SNCAIP: variants seen among roughly 807,000 people sequenced by gnomAD.
The protein encoded by SNCAIP is synuclein alpha interacting protein.
Under a neutral mutation model 86.7 loss-of-function variants are expected in SNCAIP, and 43 were observed. The observed-to-expected ratio is 0.50, with a 90% CI of 0.39 to 0.64. The LOEUF (loss-of-function observed/expected upper bound fraction) is 0.64. Ranked by LOEUF, SNCAIP falls within the 30% of genes least tolerant of loss-of-function variation. The pLI is 0.00. For missense variants in SNCAIP, 981 were observed against 1,103.1 expected (o/e 0.89, Z 1.57); for synonymous variants, 417 against 427.2 (o/e 0.98, Z 0.29).
intron 1 of SNCAIP, among the ~76,000 whole-genome samples, chr5:122,324,942 G>T (rs1461332940): frequency 6.6e-6 from 1 of 152,152 alleles, no homozygotes; most frequent in Non-Finnish European, 1.5e-5. Context: ...GGATCGAGGT[G>T]GTGGAAAGGA....
rs189715227 is a variant in SNCAIP, at chr5:122,401,388, T to A, written c.58-2405T>A. Among the ~76,000 whole-genome samples the A allele has an allele frequency of 3.9e-5, 6 of 152,328 alleles. No homozygotes were observed. The East Asian group carries it at 7.7e-4, about 20-fold the overall frequency. On this transcript the variant is annotated intron_variant, in intron 2 of 10. Coordinates refer to ENST00000261368, the MANE Select transcript of SNCAIP (RefSeq NM_005460.4). ...TCACAACACTCCCTTAAGCCTTTTC[T>A]TCCATCCAAGGAGCAATGTTTATAC...
chr5:122,382,362 G>A (rs570294414), intron 1 of SNCAIP, among the ~76,000 whole-genome samples: 1 of 152,116 alleles, frequency 6.6e-6, no homozygotes, highest in Non-Finnish European at 1.5e-5. Context: ...CATTCTTCAC[G>A]TAATTCTCGA....
At chr5:122,379,033 GT>G (rs1267978954) in intron 1 of SNCAIP, among the ~76,000 whole-genome samples, 1 of 106,046 alleles carries the variant, frequency 9.4e-6, no homozygotes, top group African/African-American at 3.8e-5. Flanking sequence ...CTCTTTTTTG[GT>G]TCCATATGAA....
chr5:122,394,275 A>G (rs1554097268), intron 2 of SNCAIP, among the ~76,000 whole-genome samples: 1 of 152,144 alleles, frequency 6.6e-6, no homozygotes, highest in Non-Finnish European at 1.5e-5. Context: ...TAGGCTTTCT[A>G]TTCCATGGTA....
intron 1 of SNCAIP, among the ~76,000 whole-genome samples, chr5:122,342,921 C>T (rs1309906196): frequency 6.6e-6 from 1 of 152,170 alleles, no homozygotes; most frequent in Non-Finnish European, 1.5e-5. Flanking sequence ...AAGATATCTG[C>T]AATTGATATA....
chr5:122,424,991 G>T (rs1336227435), intron 4 of SNCAIP, among the ~76,000 whole-genome samples: 1 of 152,178 alleles, frequency 6.6e-6, no homozygotes, highest in Non-Finnish European at 1.5e-5. Context: ...ACATAGAACA[G>T]GGAATAAAAC....
intron 1 of SNCAIP, among the ~76,000 whole-genome samples, chr5:122,341,421 A>G (rs78505684): frequency 0.099 from 14,996 of 152,242 alleles, 1,021 homozygotes; most frequent in Non-Finnish European, 0.15. Flanking sequence ...ATTCATGTCA[A>G]TATTCATTTT....
chr5:122,312,043 T>C (rs1262251018), upstream of SNCAIP: 1 of 145,856 alleles, frequency 6.9e-6, no homozygotes, highest in Non-Finnish European at 1.5e-5. Context: ...GCTGCGTTCC[T>C]TGTCCCCCAG....
chr5:122,416,227 A>G (rs1490461772), intron 3 of SNCAIP, among the ~76,000 whole-genome samples: 1 of 152,212 alleles, frequency 6.6e-6, no homozygotes, highest in East Asian at 1.9e-4. Flanking sequence ...TGGGAATAAT[A>G]AAACATGAAT....
chr5:122,420,210 G>C (rs1390801348), intron 3 of SNCAIP, among the ~76,000 whole-genome samples: 1 of 152,162 alleles, frequency 6.6e-6, no homozygotes, highest in Non-Finnish European at 1.5e-5. Flanking sequence ...ATCCTTCTGT[G>C]AAAAGACGTG....
chr5:122,390,018 C>T (rs1255617859), intron 1 of SNCAIP: 1 of 152,092 alleles, frequency 6.6e-6, no homozygotes, highest in Non-Finnish European at 1.5e-5. Flanking sequence ...CACTTTCAGT[C>T]TTTTATCGGG....
At position 122,463,489 on chromosome 5, in the gene SNCAIP, A is replaced by T. The variant is rs1409451252; in HGVS notation, c.2755-2A>T. The stretch of plus-strand genomic sequence containing the variant: ...TTGGCCTGTGGTTTCTCTTCTGCTT[A>T]GGCATAATGACATCAATAGAAAAAT... On this transcript the variant is annotated splice_acceptor_variant, in intron 10 of 10. Coordinates refer to ENST00000261368, the MANE Select transcript of SNCAIP (RefSeq NM_005460.4). LOFTEE classifies it high-confidence loss of function. The T allele has an allele frequency of 1.0e-5, 16 of 1,585,960 alleles. No individual in the cohort carries two copies. The highest frequency in any genetic ancestry group is 1.4e-5 in the Non-Finnish European group (16 of 1,155,568).
intron 1 of SNCAIP, among the ~76,000 whole-genome samples, chr5:122,384,344 C>G (rs1384405742): frequency 6.6e-6 from 1 of 152,004 alleles, no homozygotes; most frequent in Non-Finnish European, 1.5e-5. Context: ...GCCTCCATCA[C>G]AGGTTGCAGT....
intron 2 of SNCAIP, among the ~76,000 whole-genome samples, chr5:122,401,735 G>T (rs1771844712): frequency 1.3e-5 from 2 of 152,198 alleles, no homozygotes; most frequent in African/African-American, 4.8e-5. Flanking sequence ...TTGAGGCAGT[G>T]GCAGTGACTC....
intron 3 of SNCAIP, among the ~76,000 whole-genome samples, chr5:122,412,041 TC>T (rs1469342448): frequency 6.6e-6 from 1 of 152,188 alleles, no homozygotes; most frequent in East Asian, 1.9e-4. Flanking sequence ...CCAGCAGGCT[TC>T]CTCGCACGCC....
chr5:122,342,339 G>A (rs1398554615), intron 1 of SNCAIP, among the ~76,000 whole-genome samples: 1 of 151,978 alleles, frequency 6.6e-6, no homozygotes, highest in Non-Finnish European at 1.5e-5. Context: ...ACTGCTCCCA[G>A]GGCACGGGTC....
chr5:122,440,417 C>T, intron 6 of SNCAIP: 1 of 562,734 alleles, frequency 1.8e-6, no homozygotes, highest in Admixed American at 3.0e-5. Context: ...AAGGGAGCTT[C>T]CTGCTCTTAA....
chr5:122,404,046 A>T (rs113223609), intron 3 of SNCAIP, among the ~76,000 whole-genome samples, 181 bp downstream of exon 3: 137 of 152,248 alleles, frequency 9.0e-4, no homozygotes, highest in African/African-American at 3.2e-3. Flanking sequence ...AGGTCATCTG[A>T]AAGAGGATAG....
At position 122,400,986 on chromosome 5, in the gene SNCAIP, G is replaced by T. The variant is rs762334707; in HGVS notation, c.58-2807G>T. On this transcript the variant is annotated intron_variant, in intron 2 of 10. Coordinates refer to ENST00000261368, the MANE Select transcript of SNCAIP (RefSeq NM_005460.4). ...CCCCTCTTCACTCTTCTCACCCAAG[G>T]ACAATAGGAGTCAAGGGAACAGGCT... The T allele has an allele frequency of 9.7e-6, 15 of 1,549,144 alleles. No homozygotes were observed. In the African/African-American group the frequency reaches 2.1e-4, roughly 21 times the overall value.
Sources: allele counts gnomAD v4.1 joint callset (sites outside exome capture counted in the v4.1 genomes callset), GRCh38; gene constraint gnomAD v4.1.1; transcripts MANE v1.5; gene names NCBI Gene and HGNC (gene_info 2026-07-23, HGNC 2026-07-21).